Variants in MYO7B observed in about 807,000 individuals in gnomAD.
MYO7B encodes the protein unconventional myosin-VIIb.
In MYO7B, 212 loss-of-function variants were observed where a neutral mutation model predicts 259.7. The observed-to-expected ratio is 0.82, with a 90% CI of 0.73 to 0.91. MYO7B has a LOEUF of 0.91. MYO7B is among the 40% of genes least tolerant of loss of function. The pLI is 0.00. For missense variants in MYO7B, 2,732 were observed against 2,813.5 expected, an observed-to-expected ratio of 0.97 and a Z score of 0.66; for synonymous variants, 1,197 against 1,166.4, an observed-to-expected ratio of 1.03 and a Z score of -0.54.
chr2:127,633,944 C>T lies in MYO7B; in HGVS notation c.5512-232C>T, dbSNP rs1210363378. ...GTTCCCACAGTCTGGCTGCTGGGCT[C>T]TCAAGGCGAGTCAAAAGGCCAGGCC... On this transcript the variant is annotated intron_variant, in intron 40 of 47. Coordinates refer to ENST00000409816, the MANE Select transcript of MYO7B (RefSeq NM_001393586.1). 5.9e-5 allele frequency among the ~76,000 whole-genome samples: 9 copies of T among 152,176 alleles called. No individual in the cohort carries two copies. In the South Asian group the frequency reaches 1.9e-3, roughly 32 times the overall value.
chr2:127,630,867 A>G lies in MYO7B; in HGVS notation c.4896A>G (p.Glu1632=). The G allele has an allele frequency of 6.2e-7, 1 of 1,608,790 alleles. No homozygotes were observed. The highest frequency in any genetic ancestry group is 8.5e-7 in the Non-Finnish European group (1 of 1,177,744). Residue 1632 remains glutamate, a synonymous_variant, in exon 36 of 48, where the codon GAA becomes GAG. Transcript: ENST00000409816. ...TEPRPEEPPK[E]KLHTLEEFSY... is the part of the protein sequence containing the mutation. ...CACGTCCTGAGGAGCCACCCAAGGA[A>G]AAGCTGCACACCCTGGAGGAGTTCT...
Position 127,627,532 on chromosome 2 carries a change from G to A in MYO7B, c.4460+222G>A. 1 of 693,256 alleles carries A rather than the reference G, an allele frequency of 1.4e-6. No homozygotes were observed. Among genetic ancestry groups the A allele is most frequent in the Non-Finnish European group, 2.6e-6 (1 of 390,402 alleles). The allele number at this position is 693,256 out of a possible 1,614,324, so 42.9% of individuals were successfully genotyped here. ...GTACTCCATTGGGGCATCACGCGTT[G>A]CACTGGCAGCTTCTCTTTGAAACCC... On this transcript the variant is annotated intron_variant, in intron 33 of 47. Coordinates refer to ENST00000409816, the MANE Select transcript of MYO7B (RefSeq NM_001393586.1). The surrounding 1 kb of genome is among the most constrained non-coding windows in gnomAD (Gnocchi z 5.6).
At chr2:127,625,630 C>G in intron 31 of MYO7B, 95 bp downstream of exon 31, 1 of 1,282,014 alleles carries the variant, frequency 7.8e-7, no homozygotes, top group Non-Finnish European at 1.0e-6. Context: ...TCCCTCCCCA[C>G]AACCCCCACC....
At chr2:127,612,874 T>C (rs1680440673) in intron 26 of MYO7B, among the ~76,000 whole-genome samples, 1 of 152,260 alleles carries the variant, frequency 6.6e-6, no homozygotes, top group Admixed American at 6.5e-5. Flanking sequence ...CAGGGCCCTG[T>C]AAATGAATGG....
chr2:127,574,875 G>A (rs1678798676), intron 7 of MYO7B, among the ~76,000 whole-genome samples: 1 of 152,206 alleles, frequency 6.6e-6, no homozygotes, highest in Non-Finnish European at 1.5e-5. Context: ...TGCACTGGGC[G>A]ATCATGTAGC....
chr2:127,564,003 T>A (rs1678213807), intron 2 of MYO7B, 150 bp from the exon 3 acceptor site: 1 of 561,634 alleles, frequency 1.8e-6, no homozygotes, highest in Non-Finnish European at 3.2e-6. Flanking sequence ...GAAAGAGAGA[T>A]GGGAGAGGGG....
intron 1 of MYO7B, among the ~76,000 whole-genome samples, chr2:127,551,370 T>C (rs1423476470): frequency 6.6e-6 from 1 of 152,168 alleles, no homozygotes; most frequent in East Asian, 1.9e-4. Flanking sequence ...CACACAGCTG[T>C]TAACTGGGGC....
chr2:127,631,441 G>A (rs1681503078), intron 37 of MYO7B, 78 bp downstream of exon 37: 1 of 1,556,942 alleles, frequency 6.4e-7, no homozygotes, highest in East Asian at 2.3e-5. Context: ...CCCTACAGCT[G>A]TGCTCTAGGG....
At position 127,573,939 on chromosome 2, in the gene MYO7B, A is replaced by T. The variant is rs1678750227; in HGVS notation, c.612A>T (p.Thr204=). 1 of 1,614,080 alleles carries T rather than the reference A, an allele frequency of 6.2e-7. No homozygotes were observed. The part of the protein sequence containing the change: ...PILEAFGNAK[T]IRNDNSSRFG... ...CTTCAGCCTTTGGAAATGCCAAGAC[A>T]ATCCGCAACGACAACTCAAGCCGCT... Residue 204 remains threonine (T), a synonymous_variant, in exon 7 of 48, where the codon ACA becomes ACT. Coordinates refer to ENST00000409816, the MANE Select transcript of MYO7B (RefSeq NM_001393586.1).
intron 12 of MYO7B, 88 bp downstream of exon 12, chr2:127,582,534 C>T (rs758353908): frequency 4.8e-6 from 7 of 1,472,432 alleles, no homozygotes; most frequent in South Asian, 2.6e-5. Context: ...GGAGGGGAGC[C>T]GTCACCCTGC....
At chr2:127,635,958 C>A in intron 44 of MYO7B, 51 bp downstream of exon 44, 1 of 1,530,128 alleles carries the variant, frequency 6.5e-7, no homozygotes, top group Non-Finnish European at 8.8e-7. Flanking sequence ...CCTCCCTGGG[C>A]CCCTGCACCA....
At chr2:127,562,042 C>A (rs899491265) in intron 2 of MYO7B, among the ~76,000 whole-genome samples, 2 of 148,850 alleles carry the variant, frequency 1.3e-5, no homozygotes, top group South Asian at 2.2e-4. Flanking sequence ...AGAGAGAGAG[C>A]GTGCATGCAT....
intron 2 of MYO7B, among the ~76,000 whole-genome samples, chr2:127,560,452 G>A (rs896965573): frequency 6.6e-6 from 1 of 152,146 alleles, no homozygotes; most frequent in African/African-American, 2.4e-5. Flanking sequence ...ACTCTGCATC[G>A]TGTTCCCTTC....
At chr2:127,574,698 G>A (rs1187965650) in intron 7 of MYO7B, among the ~76,000 whole-genome samples, 2 of 152,230 alleles carry the variant, frequency 1.3e-5, no homozygotes, top group Non-Finnish European at 1.5e-5. Flanking sequence ...GAAAGACACA[G>A]ATGACAGTAT....
At chr2:127,562,109 CA>C (rs1354081624) in intron 2 of MYO7B, among the ~76,000 whole-genome samples, 1 of 152,102 alleles carries the variant, frequency 6.6e-6, no homozygotes, top group African/African-American at 2.4e-5. Flanking sequence ...ATTAGGACCA[CA>C]CCCTTAGGAC....
rs1680485138 is a variant in MYO7B at position 127,614,095 on chromosome 2, T to A, written c.3398+1492T>A. On this transcript the variant is annotated intron_variant, in intron 26 of 47. Transcript: ENST00000409816. The surrounding 1 kb of genome is among the most constrained non-coding windows in gnomAD (Gnocchi z 4.6). Reference sequence around the variant, plus strand: ...CTGGTTCTAATTCTCTCATGGTTAATCCTCACTGGCCACCACACCACACCC... The same window carrying A: ...CTGGTTCTAATTCTCTCATGGTTAAACCTCACTGGCCACCACACCACACCC... Among the ~76,000 whole-genome samples, 1 of 152,092 alleles carries A rather than the reference T, an allele frequency of 6.6e-6. No homozygotes were observed. Among genetic ancestry groups the A allele is most frequent in the Non-Finnish European group, 1.5e-5 (1 of 68,034 alleles).
At chr2:127,571,474 T>TTTTTTTTTTTTTTTTTTTC (rs1678622159) in intron 6 of MYO7B, among the ~76,000 whole-genome samples, 1 of 145,162 alleles carries the variant, frequency 6.9e-6, no homozygotes, top group Non-Finnish European at 1.5e-5. Context: ...GTTTGTTTTT[T>TTTTTTTTTTTTTTTTTTTC]GTTTGTTTGT....
intron 1 of MYO7B, among the ~76,000 whole-genome samples, chr2:127,543,042 GAGC>G (rs1227097537): frequency 6.6e-6 from 1 of 152,172 alleles, no homozygotes; most frequent in Non-Finnish European, 1.5e-5. Context: ...TCCCAGGGAC[GAGC>G]AGGAGACAGA....
intron 2 of MYO7B, among the ~76,000 whole-genome samples, chr2:127,560,779 G>A (rs942587465): frequency 6.6e-6 from 1 of 152,164 alleles, no homozygotes; most frequent in Non-Finnish European, 1.5e-5. Context: ...ATAAGAAAAT[G>A]CCCCGAATGT....
Sources: gnomAD v4.1 joint callset for allele counts (sites outside exome capture counted in the v4.1 genomes callset) on GRCh38, gnomAD v4.1.1 for gene constraint, Gnocchi (gnomAD v3.1) non-coding constraint, MANE v1.5 for transcripts, NCBI Gene and HGNC (gene_info 2026-07-23, HGNC 2026-07-21) for gene names.